The following COL6A6 variants were observed in gnomAD, a reference collection of about 807,000 sequenced individuals.
COL6A6 encodes the protein collagen alpha-6(VI) chain.
COL6A6 carries 183 observed loss-of-function variants against 208.6 expected under a neutral mutation model. The ratio of observed to expected loss-of-function variants is 0.88; its 90% CI spans 0.78 to 0.99. The LOEUF (loss-of-function observed/expected upper bound fraction) is 0.99. Ranked by LOEUF, COL6A6 falls within the 50% of genes least tolerant of loss-of-function variation. COL6A6 has a pLI of 0.00. For synonymous variants in COL6A6, 973 were observed against 1,011.8 expected (o/e 0.96, Z 0.73); for missense variants, 2,816 against 2,815.2 (o/e 1.00, Z -0.01).
intron 22 of COL6A6, 96 bp downstream of exon 22, chr3:130,609,060 C>A (rs1025232412): frequency 4.9e-5 from 43 of 875,940 alleles, no homozygotes; most frequent in Non-Finnish European, 7.3e-5. Flanking sequence ...ATCTCCCTTG[C>A]AGAATTCCAT....
intron 20 of COL6A6, among the ~76,000 whole-genome samples, chr3:130,602,639 T>C (rs565986376): frequency 6.6e-6 from 1 of 152,210 alleles, no homozygotes; most frequent in Non-Finnish European, 1.5e-5. Context: ...ACAGTAGAGA[T>C]GTAAGACATG....
In COL6A6 at chr3:130,589,138, G is replaced by A. The variant is rs2063612376; in HGVS notation, c.4174G>A (p.Gly1392Arg). ...TCCCLFCKCI[G>R]GDGTMGDPGP... ...CTGCTGTTTGTTCTGCAAGTGCATT[G>A]GAGGAGATGGCACAATGGGAGATCC... Residue 1392 changes from glycine (G) to arginine (R), a missense_variant, in exon 12 of 37, where the codon GGA becomes AGA. Physicochemically the swap from Gly to Arg is moderately radical, Grantham distance 125. Coordinates refer to ENST00000358511, the MANE Select transcript of COL6A6 (RefSeq NM_001102608.3). The A allele has an allele frequency of 2.5e-6, 4 of 1,613,756 alleles. No homozygotes were observed. The African/African-American group carries it at 4.0e-5, about 16-fold the overall frequency.
At chr3:130,666,084 C>A (rs529760112) in intron 36 of COL6A6, among the ~76,000 whole-genome samples, 1 of 152,232 alleles carries the variant, frequency 6.6e-6, no homozygotes, top group South Asian at 2.1e-4. Context: ...TTTTTCAGAA[C>A]ACCTTGCCTA....
intron 20 of COL6A6, among the ~76,000 whole-genome samples, chr3:130,605,743 T>C (rs2064161815): frequency 6.6e-6 from 1 of 152,136 alleles, no homozygotes; most frequent in Non-Finnish European, 1.5e-5. Flanking sequence ...TGAGACTGGG[T>C]AATTTATAAA....
In COL6A6 at chr3:130,580,206, C is replaced by T. The variant is rs144282640; in HGVS notation, c.3548-1355C>T. Among the ~76,000 whole-genome samples, 14 of 152,260 alleles carry T rather than the reference C, an allele frequency of 9.2e-5. No individual in the cohort carries two copies. In the East Asian group the frequency reaches 2.5e-3, roughly 27 times the overall value. ...AAAAATGAAACTTTCAAGCTCAAGACAGATATGAGAAGACGTAGATGCAAG... is the reference window on the plus strand; with the variant it reads ...AAAAATGAAACTTTCAAGCTCAAGATAGATATGAGAAGACGTAGATGCAAG... On this transcript the variant is annotated intron_variant, in intron 8 of 36. Coordinates refer to ENST00000358511, the MANE Select transcript of COL6A6 (RefSeq NM_001102608.3).
At chr3:130,585,284 G>A (rs2403320) in intron 10 of COL6A6, among the ~76,000 whole-genome samples, 107,455 of 152,114 alleles carry the variant, frequency 0.71, 42,036 homozygotes, top group Non-Finnish European at 0.88. Context: ...TCCTTTGAAT[G>A]TAGGCTATGG....
rs761626161 is a variant in COL6A6 at position 130,565,439 on chromosome 3, C to T, written c.1107C>T (p.Gly369=). ...CCATCTTCACCCTGGGCATAGAGGG[C>T]GCCAGCGACACCCAGTTGGAAAAGA... ...GVTIFTLGIE[G]ASDTQLEKIA... The change falls in exon 4 of 37, where the codon GGC becomes GGT. Residue 369 remains glycine (G), a synonymous_variant. Coordinates refer to ENST00000358511, the MANE Select transcript of COL6A6 (RefSeq NM_001102608.3). 4 of 1,613,906 alleles carry T rather than the reference C, an allele frequency of 2.5e-6. No individual in the cohort carries two copies. Among genetic ancestry groups the T allele is most frequent in the South Asian group, 1.1e-5 (1 of 91,080 alleles).
chr3:130,599,711 C>T (rs1489574731), intron 19 of COL6A6, 46 bp from the exon 20 acceptor site: 3 of 1,600,918 alleles, frequency 1.9e-6, no homozygotes, highest in African/African-American at 1.3e-5. Context: ...GAAACTCTGT[C>T]AATGCTGCAT....
intron 1 of COL6A6, among the ~76,000 whole-genome samples, chr3:130,524,172 T>G (rs2061907189): frequency 6.6e-6 from 1 of 152,206 alleles, no homozygotes; most frequent in Non-Finnish European, 1.5e-5. Flanking sequence ...CAGCTTGCAC[T>G]GGTGAATGAT....
At chr3:130,561,293 C>T (rs539940446) in intron 2 of COL6A6, among the ~76,000 whole-genome samples, 26 of 152,364 alleles carry the variant, frequency 1.7e-4, no homozygotes, top group African/African-American at 5.5e-4. Context: ...CCCTGGCAGT[C>T]TTCACAGGGT....
rs551852482 is a variant in COL6A6, at chr3:130,548,254, A to G, written c.-31-12080A>G. On this transcript the variant is annotated intron_variant, in intron 1 of 36. Coordinates refer to ENST00000358511, the MANE Select transcript of COL6A6 (RefSeq NM_001102608.3). Reference sequence around the variant, plus strand: ...GGATGCAATGTGCTGGGTAAAAGGAACTGCAGTCAATAGGCCTTTGGTAAT... The same window carrying G: ...GGATGCAATGTGCTGGGTAAAAGGAGCTGCAGTCAATAGGCCTTTGGTAAT... Among the ~76,000 whole-genome samples the G allele has an allele frequency of 7.0e-4, 106 of 152,324 alleles. 1 individual carries two copies. Among genetic ancestry groups the G allele is most frequent in the African/African-American group, 2.5e-3 (104 of 41,580 alleles).
At chr3:130,620,049 C>T (rs1296863090) in intron 23 of COL6A6, among the ~76,000 whole-genome samples, 1 of 152,120 alleles carries the variant, frequency 6.6e-6, no homozygotes, top group Non-Finnish European at 1.5e-5. Flanking sequence ...ATCCTCCTGC[C>T]TCAGCCTTCC....
intron 10 of COL6A6, 134 bp downstream of exon 10, chr3:130,582,202 A>G (rs1005121843): frequency 3.3e-6 from 2 of 614,322 alleles, no homozygotes; most frequent in East Asian, 2.7e-5. Flanking sequence ...TTCTGTATGT[A>G]CTAGGCAGAA....
chr3:130,572,319 A>G (rs1018077808), intron 7 of COL6A6, among the ~76,000 whole-genome samples: 7 of 152,152 alleles, frequency 4.6e-5, no homozygotes, highest in Admixed American at 3.3e-4. Context: ...TCATTTTACT[A>G]TCATTTTATA....
intron 26 of COL6A6, 39 bp from the exon 27 acceptor site, chr3:130,634,551 A>T (rs1464714532): frequency 8.3e-6 from 13 of 1,568,094 alleles, no homozygotes; most frequent in African/African-American, 1.3e-5. Context: ...TCATTGGGTG[A>T]TGTGTGCCTG....
In COL6A6 at chr3:130,586,502, A is replaced by G. The variant is rs772358313; in HGVS notation, c.3971-4A>G. 1.2e-6 allele frequency: 2 copies of G among 1,610,172 alleles called. No individual in the cohort carries two copies. The highest frequency in any genetic ancestry group is 1.7e-5 in the Admixed American group (1 of 59,206). On this transcript the variant is annotated splice_region_variant and splice_polypyrimidine_tract_variant and intron_variant, in intron 10 of 36. Transcript: ENST00000358511. ...CCTGGAACATTGTAAACTGTGTTGG[A>G]TAGGCCTGAATGCCCTCATAACTGT...
intron 10 of COL6A6, among the ~76,000 whole-genome samples, chr3:130,583,748 G>A (rs988097081): frequency 6.6e-6 from 1 of 152,126 alleles, no homozygotes; most frequent in African/African-American, 2.4e-5. Flanking sequence ...AGATCTCAAA[G>A]GATCTCCTGA....
chr3:130,543,800 TTTTTATG>T (rs1321302937), intron 1 of COL6A6, among the ~76,000 whole-genome samples: 1 of 152,022 alleles, frequency 6.6e-6, no homozygotes, highest in Admixed American at 6.5e-5. Flanking sequence ...TTTCTGATGC[TTTTTATG>T]TATGAGTTTC....
At position 130,644,990 on chromosome 3, in the gene COL6A6, G is replaced by T. The variant is rs746856223; in HGVS notation, c.5228-1G>T. 3 of 1,612,090 alleles carry T rather than the reference G, an allele frequency of 1.9e-6. No homozygotes were observed. Among genetic ancestry groups the T allele is most frequent in the South Asian group, 2.2e-5 (2 of 91,044 alleles). ...CAATCTCCTTTGTTCTTCTTCCCCA[G>T]CTGGCAGGCATGGTGAGTAATCTTT... On this transcript the variant is annotated splice_acceptor_variant, in intron 31 of 36. Coordinates refer to ENST00000358511, the MANE Select transcript of COL6A6 (RefSeq NM_001102608.3). LOFTEE classifies it high-confidence loss of function.
Sources: allele counts gnomAD v4.1 joint callset (sites outside exome capture counted in the v4.1 genomes callset), GRCh38; gene constraint gnomAD v4.1.1; transcripts MANE v1.5; gene names NCBI Gene and HGNC (gene_info 2026-07-23, HGNC 2026-07-21).